Variants in SPATA17 observed in about 807,000 individuals in gnomAD.
The protein encoded by SPATA17 is spermatogenesis associated 17, also known as spermatogenesis-associated protein 17.
Under a neutral mutation model 62.2 loss-of-function variants are expected in SPATA17, and 53 were observed. The ratio of observed to expected loss-of-function variants is 0.85; its 90% CI spans 0.68 to 1.07. The LOEUF (loss-of-function observed/expected upper bound fraction) is 1.07. SPATA17 is among the 50% of genes least tolerant of loss of function. The pLI is 0.00. For missense variants in SPATA17, 466 were observed against 425.5 expected (o/e 1.10, Z -0.84); for synonymous variants, 146 against 146.8 (o/e 0.99, Z 0.04).
At chr1:217,774,165 G>A (rs1673528503) in intron 6 of SPATA17, among the ~76,000 whole-genome samples, 169 bp from the exon 7 acceptor site, 1 of 152,138 alleles carries the variant, frequency 6.6e-6, no homozygotes, top group Non-Finnish European at 1.5e-5. Flanking sequence ...ACAAGTATGA[G>A]TATTTTGTAA....
chr1:217,843,606 G>T (rs73099219), intron 9 of SPATA17, among the ~76,000 whole-genome samples: 5,648 of 152,052 alleles, frequency 0.037, 307 homozygotes, highest in African/African-American at 0.12. Flanking sequence ...TGAACCAGGG[G>T]TCAGCAAACT....
At chr1:217,793,053 G>GT in intron 8 of SPATA17, among the ~76,000 whole-genome samples, 1 of 152,114 alleles carries the variant, frequency 6.6e-6, no homozygotes, top group Non-Finnish European at 1.5e-5. Context: ...TGAAAACACT[G>GT]TTCTTCAGTT....
chr1:217,757,548 T>TA (rs1673078234), intron 6 of SPATA17, among the ~76,000 whole-genome samples: 1 of 152,116 alleles, frequency 6.6e-6, no homozygotes, highest in Non-Finnish European at 1.5e-5. Context: ...ACCCACTCCT[T>TA]CTTCCTTGAC....
intron 5 of SPATA17, among the ~76,000 whole-genome samples, chr1:217,703,333 G>C (rs1372817126): frequency 6.6e-6 from 1 of 151,698 alleles, no homozygotes; most frequent in Admixed American, 6.6e-5. Context: ...CACCATGCCC[G>C]GCTAGCTTTT....
intron 5 of SPATA17, 106 bp downstream of exon 5, chr1:217,683,467 C>T (rs1671145414): frequency 4.0e-6 from 3 of 753,278 alleles, no homozygotes; most frequent in Admixed American, 2.3e-5. Context: ...TAGATGGAGT[C>T]TTGCTCTGTT....
In SPATA17 at chr1:217,850,368, A is replaced by G. The variant is rs1675620740; in HGVS notation, c.1006-12406A>G. ...GATGGCTATAGTGCAGTGTAATGCC[A>G]TCACTGAGCACTGCAAATGCAAGAC... On this transcript the variant is annotated intron_variant, in intron 9 of 10. Coordinates refer to ENST00000366933, the MANE Select transcript of SPATA17 (RefSeq NM_138796.4). 1.1e-5 allele frequency: 9 copies of G among 834,160 alleles called. No individual in the cohort carries two copies. In the South Asian group the frequency reaches 1.1e-4, roughly 10 times the overall value. 51.7% of individuals were successfully genotyped at this position (834,160 alleles called of 1,614,324 possible).
chr1:217,802,847 C>T (rs1405118246), intron 9 of SPATA17, among the ~76,000 whole-genome samples: 2 of 152,136 alleles, frequency 1.3e-5, no homozygotes, highest in African/African-American at 2.4e-5. Flanking sequence ...AATCTTAATA[C>T]ATTTAGTACC....
intron 3 of SPATA17, among the ~76,000 whole-genome samples, chr1:217,655,777 C>T (rs1042214174): frequency 6.6e-6 from 1 of 151,832 alleles, no homozygotes; most frequent in African/African-American, 2.4e-5. Flanking sequence ...TCAAATAGTC[C>T]TTCGTTTTCT....
chr1:217,779,564 T>A (rs1026539246), intron 7 of SPATA17, among the ~76,000 whole-genome samples: 2 of 151,916 alleles, frequency 1.3e-5, no homozygotes, highest in Non-Finnish European at 2.9e-5. Context: ...TCTTAACACC[T>A]TCTCCTCTCT....
At chr1:217,736,216 C>T (rs1680451658) in intron 5 of SPATA17, among the ~76,000 whole-genome samples, 1 of 152,070 alleles carries the variant, frequency 6.6e-6, no homozygotes, top group South Asian at 2.1e-4. Flanking sequence ...CGGGATTGAG[C>T]AGGATTATAT....
At chr1:217,645,683 T>G (rs1452055525) in intron 1 of SPATA17, among the ~76,000 whole-genome samples, 1 of 152,198 alleles carries the variant, frequency 6.6e-6, no homozygotes, top group African/African-American at 2.4e-5. Context: ...ACATTCTATC[T>G]TCTTTGAGTT....
chr1:217,698,293 G>A (rs536221423), intron 5 of SPATA17, among the ~76,000 whole-genome samples: 97 of 152,154 alleles, frequency 6.4e-4, no homozygotes, highest in African/African-American at 2.2e-3. Flanking sequence ...AATTAGCTGG[G>A]CATGGTGGTG....
chr1:217,851,221 T>C (rs1402540851), intron 9 of SPATA17, among the ~76,000 whole-genome samples: 1 of 152,122 alleles, frequency 6.6e-6, no homozygotes, highest in Non-Finnish European at 1.5e-5. Context: ...AACACTTCTA[T>C]AGAGAAAATG....
chr1:217,869,092 A>G lies in SPATA17; in HGVS notation c.*2073A>G, dbSNP rs1676078607. On this transcript the variant is annotated 3_prime_UTR_variant, in exon 11 of 11. Transcript: ENST00000366933. ...TGACAACATGTGTCCAAGGTGGTCA[A>G]GCTATACAACTTGGTTTTATACATT... 2.6e-5 allele frequency: 4 copies of G among 152,446 alleles called. No individual in the cohort carries two copies. The highest frequency in any genetic ancestry group is 6.8e-3 in the Middle Eastern group (2 of 294). The allele number at this position is 152,446 out of a possible 1,614,324, so 9.4% of individuals were successfully genotyped here.
intron 9 of SPATA17, among the ~76,000 whole-genome samples, chr1:217,839,369 TG>T (rs1302938651): frequency 3.3e-5 from 5 of 152,072 alleles, no homozygotes; most frequent in African/African-American, 4.8e-5. Context: ...GCTAATGAAG[TG>T]TGTGGAATGG....
intron 5 of SPATA17, among the ~76,000 whole-genome samples, chr1:217,697,491 A>G (rs1031403493): frequency 7.2e-5 from 11 of 152,244 alleles, no homozygotes; most frequent in African/African-American, 2.7e-4. Flanking sequence ...CAAATTTATT[A>G]CATTATGATC....
chr1:217,786,749 C>CTTT (rs989970156), intron 8 of SPATA17, among the ~76,000 whole-genome samples: 2 of 77,476 alleles, frequency 2.6e-5, no homozygotes, highest in Non-Finnish European at 6.1e-5. Flanking sequence ...TTGATATTCT[C>CTTT]TTTCTTCTTC....
At chr1:217,826,568 C>A (rs1675006288) in intron 9 of SPATA17, among the ~76,000 whole-genome samples, 1 of 151,716 alleles carries the variant, frequency 6.6e-6, no homozygotes, top group South Asian at 2.1e-4. Context: ...TGGTTAATTC[C>A]ATTAACTAAT....
intron 6 of SPATA17, among the ~76,000 whole-genome samples, chr1:217,765,474 A>G (rs975381890): frequency 4.6e-5 from 7 of 151,550 alleles, no homozygotes; most frequent in Non-Finnish European, 1.0e-4. Context: ...TTTAATTTTA[A>G]TTTATTTCAA....
Sources: allele counts gnomAD v4.1 joint callset (sites outside exome capture counted in the v4.1 genomes callset), GRCh38; gene constraint gnomAD v4.1.1; transcripts MANE v1.5; gene names NCBI Gene and HGNC (gene_info 2026-07-23, HGNC 2026-07-21).